PTPRN2: variants seen among roughly 807,000 people sequenced by gnomAD.
PTPRN2 encodes protein tyrosine phosphatase receptor type N2, also known as receptor-type tyrosine-protein phosphatase N2.
PTPRN2 carries 74 observed loss-of-function variants against 118.8 expected under a neutral mutation model. The observed-to-expected ratio is 0.62, with a 90% CI of 0.52 to 0.76. PTPRN2 has a LOEUF of 0.76. PTPRN2 is among the 30% of genes least tolerant of loss of function. The probability of loss-of-function intolerance (pLI) is 0.00; values close to 1 mark genes in which losing one functional copy is unlikely to be tolerated. For synonymous variants in PTPRN2, 641 were observed against 608.0 expected, an observed-to-expected ratio of 1.05 and a Z score of -0.80; for missense variants, 1,481 against 1,394.4, an observed-to-expected ratio of 1.06 and a Z score of -0.99.
chr7:158,434,255 G>A (rs1816421023), intron 2 of PTPRN2, among the ~76,000 whole-genome samples: 1 of 152,074 alleles, frequency 6.6e-6, no homozygotes, highest in African/African-American at 2.4e-5. Context: ...CTAAATACAT[G>A]ACAGGACACA....
chr7:158,479,752 G>A (rs1274376198), intron 2 of PTPRN2, among the ~76,000 whole-genome samples: 1 of 152,206 alleles, frequency 6.6e-6, no homozygotes, highest in Admixed American at 6.5e-5. Context: ...GCCTGTGGGG[G>A]TGGGCAGAAT....
intron 5 of PTPRN2, among the ~76,000 whole-genome samples, chr7:158,185,876 G>A (rs759374162): frequency 2.6e-5 from 4 of 152,022 alleles, no homozygotes; most frequent in African/African-American, 4.8e-5. Context: ...CTTCCCCGTC[G>A]GTCCCACCCT....
At chr7:158,325,923 G>A (rs968262140) in intron 2 of PTPRN2, among the ~76,000 whole-genome samples, 1 of 152,258 alleles carries the variant, frequency 6.6e-6, no homozygotes, top group African/African-American at 2.4e-5. Flanking sequence ...AAAGGAACGG[G>A]CAGTCAGTCT....
intron 4 of PTPRN2, among the ~76,000 whole-genome samples, chr7:158,193,945 G>C (rs1168651602): frequency 6.6e-6 from 1 of 151,160 alleles, no homozygotes; most frequent in African/African-American, 2.4e-5. Flanking sequence ...TGTGAGGCCG[G>C]CATGGGGGCT....
chr7:157,714,624 G>C (rs1007311253), intron 12 of PTPRN2, among the ~76,000 whole-genome samples: 1 of 152,152 alleles, frequency 6.6e-6, no homozygotes, highest in Non-Finnish European at 1.5e-5. Context: ...GTATTTGCAG[G>C]AATCCCGACA....
chr7:158,561,505 G>A (rs1827387389), intron 1 of PTPRN2, among the ~76,000 whole-genome samples: 1 of 152,194 alleles, frequency 6.6e-6, no homozygotes, highest in Non-Finnish European at 1.5e-5. Context: ...AGGTTTGGGT[G>A]ATATTTCAAT....
At chr7:158,275,361 G>A (rs930087656) in intron 3 of PTPRN2, among the ~76,000 whole-genome samples, 3 of 152,190 alleles carry the variant, frequency 2.0e-5, no homozygotes, top group Non-Finnish European at 4.4e-5. Flanking sequence ...CAGCTTCACT[G>A]TGCTGGCAGA....
rs1412254037 is a variant in PTPRN2 at position 157,610,648 on chromosome 7, A to G, written c.2345-6573T>C. ...ACACAGAAAGGCCTTTGAACTTGTC[A>G]TAGTTGAGGCAAAGGAATAAATGAT... is the stretch of plus-strand genomic sequence containing the variant. On this transcript the variant is annotated intron_variant, in intron 15 of 22. Transcript: ENST00000389418. The surrounding 1 kb of genome is among the most constrained non-coding windows in gnomAD (Gnocchi z 5.1). Among the ~76,000 whole-genome samples the G allele has an allele frequency of 6.6e-6, 1 of 152,208 alleles. No homozygotes were observed. Among genetic ancestry groups the G allele is most frequent in the African/African-American group, 2.4e-5 (1 of 41,446 alleles).
At position 157,801,068 on chromosome 7, in the gene PTPRN2, CAT is replaced by C. The variant is rs201302949; in HGVS notation, c.1788+97603_1788+97604del. On this transcript the variant is annotated intron_variant, in intron 12 of 22. Coordinates refer to ENST00000389418, the MANE Select transcript of PTPRN2 (RefSeq NM_002847.5). The surrounding 1 kb of genome is among the most constrained non-coding windows in gnomAD (Gnocchi z 4.2). Reference sequence around the variant, plus strand: ...ACACATATATACACATATATATACACATATATATACACACACACACACATATA... The same window carrying C: ...ACACATATATACACATATATATACACATATATACACACACACACACATATA... Among the ~76,000 whole-genome samples, 2 of 147,350 alleles carry C rather than the reference CAT, an allele frequency of 1.4e-5. No homozygotes were observed. Among genetic ancestry groups the C allele is most frequent in the Non-Finnish European group, 3.0e-5 (2 of 66,742 alleles).
chr7:158,473,496 C>G (rs1005692718), intron 2 of PTPRN2, among the ~76,000 whole-genome samples: 3 of 152,216 alleles, frequency 2.0e-5, no homozygotes, highest in African/African-American at 7.2e-5. Context: ...TATCAGAGAC[C>G]TCCAAGTGCC....
chr7:158,403,636 G>A (rs1586584771), intron 2 of PTPRN2, among the ~76,000 whole-genome samples: 1 of 152,304 alleles, frequency 6.6e-6, no homozygotes, highest in East Asian at 1.9e-4. Context: ...ACTGGAAGTG[G>A]GCTAAGGTGG....
rs750695319 is a variant in PTPRN2 at position 158,432,283 on chromosome 7, G to A, written c.163+57452C>T. ...GGCGGGGCCTTGAGCCAGGGCGAAA[G>A]CACCGGGCGCTCCAGGATCCCAGGC... On this transcript the variant is annotated intron_variant, in intron 2 of 22. Transcript: ENST00000389418. 3.5e-4 allele frequency among the ~76,000 whole-genome samples: 54 copies of A among 152,234 alleles called. 1 individual carries two copies. The highest frequency in any genetic ancestry group is 7.5e-4 in the Non-Finnish European group (51 of 68,040).
intron 5 of PTPRN2, among the ~76,000 whole-genome samples, chr7:158,184,821 A>C (rs571257200): frequency 6.6e-6 from 1 of 152,206 alleles, no homozygotes; most frequent in East Asian, 1.9e-4. Flanking sequence ...CTCAAAAGAA[A>C]AAAAAAAGAT....
Position 158,529,919 on chromosome 7 carries a change from G to T in PTPRN2, c.113-40134C>A, listed in dbSNP as rs139515121. On this transcript the variant is annotated intron_variant, in intron 1 of 22. Coordinates refer to ENST00000389418, the MANE Select transcript of PTPRN2 (RefSeq NM_002847.5). This position sits in a 1 kb window ranked among gnomAD's most constrained non-coding sequence, Gnocchi z 4.7. ...TGCCACACACAGCACACATATGCAC[G>T]CTACCACACACATGCACACATGTAT... Among the ~76,000 whole-genome samples the T allele has an allele frequency of 2.6e-5, 4 of 151,750 alleles. No individual in the cohort carries two copies. Among genetic ancestry groups the T allele is most frequent in the African/African-American group, 9.7e-5 (4 of 41,296 alleles).
intron 20 of PTPRN2, among the ~76,000 whole-genome samples, chr7:157,570,088 T>C (rs1219813430): frequency 6.6e-6 from 1 of 152,234 alleles, no homozygotes; most frequent in African/African-American, 2.4e-5. Flanking sequence ...GGATGGTAAA[T>C]GTTTAAAAAA....
At chr7:157,753,189 C>T (rs1364756704) in intron 12 of PTPRN2, among the ~76,000 whole-genome samples, 1 of 152,220 alleles carries the variant, frequency 6.6e-6, no homozygotes, top group Admixed American at 6.5e-5. Context: ...TCGGAACCCA[C>T]ACCCCGCGCA....
intron 3 of PTPRN2, among the ~76,000 whole-genome samples, chr7:158,290,723 T>C (rs1458326830): frequency 2.0e-5 from 3 of 152,242 alleles, no homozygotes; most frequent in Non-Finnish European, 4.4e-5. Context: ...GACCCAGTCA[T>C]GCAAAACTGT....
rs1038798046 is a variant in PTPRN2 at position 158,303,459 on chromosome 7, T to C, written c.277+13360A>G. The stretch of plus-strand genomic sequence containing the variant: ...GTTAAAATTTTACTGCTCTATACTA[T>C]ATCCAGTATTCCCTTCTCCATTATT... On this transcript the variant is annotated intron_variant, in intron 3 of 22. Coordinates refer to ENST00000389418, the MANE Select transcript of PTPRN2 (RefSeq NM_002847.5). 2.0e-5 allele frequency among the ~76,000 whole-genome samples: 3 copies of C among 152,262 alleles called. No homozygotes were observed. In the South Asian group the frequency reaches 6.2e-4, roughly 31 times the overall value.
intron 3 of PTPRN2, among the ~76,000 whole-genome samples, chr7:158,220,894 A>G (rs1360679314): frequency 7.9e-5 from 12 of 151,614 alleles, no homozygotes; most frequent in Non-Finnish European, 8.8e-5. Context: ...AAAAAAAAAA[A>G]GGCTGAATAG....
Sources: gnomAD v4.1 joint callset for allele counts (sites outside exome capture counted in the v4.1 genomes callset) on GRCh38, gnomAD v4.1.1 for gene constraint, Gnocchi (gnomAD v3.1) non-coding constraint, MANE v1.5 for transcripts, NCBI Gene and HGNC (gene_info 2026-07-23, HGNC 2026-07-21) for gene names.